The following DSCAML1 variants were observed in gnomAD, a reference collection of about 807,000 sequenced individuals.
The protein encoded by DSCAML1 is cell adhesion molecule DSCAML1.
A neutral mutation model predicts 200.5 loss-of-function variants in DSCAML1; 38 were observed. That is an observed-to-expected ratio of 0.19 (90% CI 0.15 to 0.25). The LOEUF (loss-of-function observed/expected upper bound fraction) is 0.25. Among genes scored for constraint, DSCAML1 ranks in the 10% least tolerant of loss-of-function variants. The probability of loss-of-function intolerance (pLI) is 1.00; values close to 1 mark genes in which losing one functional copy is unlikely to be tolerated. For missense variants in DSCAML1, 2,223 were observed against 2,858.8 expected (o/e 0.78, Z 5.07); for synonymous variants, 1,215 against 1,165.0 (o/e 1.04, Z -0.87).
Position 117,435,854 on chromosome 11 carries a change from A to G in DSCAML1, c.4721-55T>C, listed in dbSNP as rs1592568966. The G allele has an allele frequency of 1.0e-5, 16 of 1,553,512 alleles. No individual in the cohort carries two copies. The East Asian group carries it at 3.7e-4, about 36-fold the overall frequency. ...GTCCCTTATGAGCCAGGTGCTGTGC[A>G]GAACATCTCATGGGTGGGGCAGTCC... On this transcript the variant is annotated intron_variant, in intron 26 of 32. Coordinates refer to ENST00000651296, the MANE Select transcript of DSCAML1 (RefSeq NM_020693.4).
intron 1 of DSCAML1, among the ~76,000 whole-genome samples, chr11:117,789,627 G>A (rs2055423249): frequency 6.6e-6 from 1 of 152,156 alleles, no homozygotes; most frequent in Non-Finnish European, 1.5e-5. Context: ...GATGTCATTC[G>A]AGGGTGTATC....
chr11:117,815,088 T>C (rs1418848411), intron 1 of DSCAML1, among the ~76,000 whole-genome samples: 2 of 152,232 alleles, frequency 1.3e-5, no homozygotes, highest in African/African-American at 4.8e-5. Flanking sequence ...TCTTTTTGTC[T>C]GCCTTCATCA....
intron 11 of DSCAML1, among the ~76,000 whole-genome samples, chr11:117,493,550 G>A (rs1416992081): frequency 5.3e-5 from 8 of 151,960 alleles, no homozygotes; most frequent in African/African-American, 9.7e-5. Context: ...TCCTGACCTC[G>A]TGATCTGCCC....
chr11:117,530,683 A>G (rs1805206619), intron 4 of DSCAML1, among the ~76,000 whole-genome samples: 1 of 152,140 alleles, frequency 6.6e-6, no homozygotes, highest in Non-Finnish European at 1.5e-5. Context: ...CACATGTGAC[A>G]GACAAGTGGA....
chr11:117,736,981 G>A (rs1390740147), intron 3 of DSCAML1, among the ~76,000 whole-genome samples: 2 of 152,240 alleles, frequency 1.3e-5, no homozygotes, highest in East Asian at 3.9e-4. Flanking sequence ...CATTACAGGG[G>A]GCAAACGAGA....
intron 6 of DSCAML1, among the ~76,000 whole-genome samples, chr11:117,519,958 G>A (rs2049855571): frequency 6.6e-6 from 1 of 152,250 alleles, no homozygotes. Flanking sequence ...CACCTGGGGA[G>A]GATCCCATAC....
intron 1 of DSCAML1, among the ~76,000 whole-genome samples, chr11:117,784,156 TTC>T (rs1209546724): frequency 1.3e-5 from 2 of 152,226 alleles, no homozygotes; most frequent in African/African-American, 4.8e-5. Context: ...GGATGTGAGC[TTC>T]TGTCTTCTGA....
intron 3 of DSCAML1, among the ~76,000 whole-genome samples, chr11:117,717,771 G>A (rs537046978): frequency 1.4e-3 from 216 of 152,294 alleles, no homozygotes; most frequent in Non-Finnish European, 2.5e-3. Flanking sequence ...GGCACATCTG[G>A]GGGGTTGCTG....
intron 3 of DSCAML1, among the ~76,000 whole-genome samples, chr11:117,686,851 T>C (rs376321189): frequency 2.8e-4 from 43 of 152,304 alleles, no homozygotes; most frequent in Admixed American, 2.6e-4. Context: ...ATGACGATGA[T>C]GATGATGATG....
At chr11:117,738,922 C>T (rs984831557) in intron 3 of DSCAML1, among the ~76,000 whole-genome samples, 3 of 152,192 alleles carry the variant, frequency 2.0e-5, no homozygotes, top group Non-Finnish European at 4.4e-5. Flanking sequence ...TGTATTGTCA[C>T]ATCCTAAAAG....
At chr11:117,779,368 G>A (rs999258638) in intron 2 of DSCAML1, among the ~76,000 whole-genome samples, 2 of 152,130 alleles carry the variant, frequency 1.3e-5, no homozygotes, top group African/African-American at 4.8e-5. Context: ...ACATAATCCA[G>A]AGAAATAAGA....
chr11:117,531,657 G>A (rs975841115), intron 4 of DSCAML1, among the ~76,000 whole-genome samples: 1 of 152,088 alleles, frequency 6.6e-6, no homozygotes, highest in African/African-American at 2.4e-5. Flanking sequence ...GCTGAGGCGG[G>A]CAGCTCACCT....
chr11:117,587,997 C>G (rs983803103), intron 3 of DSCAML1, among the ~76,000 whole-genome samples: 3 of 152,194 alleles, frequency 2.0e-5, no homozygotes, highest in Non-Finnish European at 4.4e-5. Flanking sequence ...CCACTGGCAG[C>G]AAATGGTACA....
intron 3 of DSCAML1, among the ~76,000 whole-genome samples, chr11:117,770,585 A>G (rs2055018849): frequency 1.3e-5 from 2 of 152,092 alleles, no homozygotes; most frequent in Admixed American, 1.3e-4. Flanking sequence ...CATCACCATT[A>G]ATCACTGGAG....
At chr11:117,521,489 G>T in intron 5 of DSCAML1, 84 bp from the exon 6 acceptor site, 2 of 1,414,788 alleles carry the variant, frequency 1.4e-6, no homozygotes, top group Non-Finnish European at 1.9e-6. Context: ...AGTGTAGCTG[G>T]GGGTAGTTAG....
intron 3 of DSCAML1, among the ~76,000 whole-genome samples, chr11:117,743,742 T>G (rs780497171): frequency 6.6e-6 from 1 of 152,204 alleles, no homozygotes; most frequent in Admixed American, 6.5e-5. Context: ...ACAAACACCT[T>G]GTGTTTATCC....
intron 14 of DSCAML1, among the ~76,000 whole-genome samples, chr11:117,475,938 G>C (rs78064538): frequency 0.018 from 2,707 of 152,222 alleles, 44 homozygotes; most frequent in Middle Eastern, 0.027. Context: ...GTCTCTGGCT[G>C]ATCTGCCAAA....
At position 117,515,610 on chromosome 11, in the gene DSCAML1, C is replaced by CTTTTTTT. The variant is rs56765238; in HGVS notation, c.1783+850_1783+856dup. On this transcript the variant is annotated intron_variant, in intron 8 of 32. Transcript: ENST00000651296. ...TGTCAAGGGCCCAGGAGGGACGAAG[C>CTTTTTTT]TTTTTTTTTTTTTTTTTTTTTTTTT... is the stretch of plus-strand genomic sequence containing the variant. 9.2e-5 allele frequency among the ~76,000 whole-genome samples: 6 copies of CTTTTTTT among 65,144 alleles called. 1 individual carries two copies. Among genetic ancestry groups the CTTTTTTT allele is most frequent in the South Asian group, 6.1e-4 (1 of 1,628 alleles). The allele number at this position is 65,144 out of a possible 152,430, so 42.7% of individuals were successfully genotyped here.
chr11:117,512,040 T>C (rs1220039760), intron 8 of DSCAML1, among the ~76,000 whole-genome samples: 3 of 152,242 alleles, frequency 2.0e-5, no homozygotes, highest in Non-Finnish European at 2.9e-5. Context: ...AGCAGTTGTT[T>C]TTCCGGCTCA....
Sources: gnomAD v4.1 joint callset for allele counts (sites outside exome capture counted in the v4.1 genomes callset) on GRCh38, gnomAD v4.1.1 for gene constraint, MANE v1.5 for transcripts, NCBI Gene and HGNC (gene_info 2026-07-23, HGNC 2026-07-21) for gene names.